The following RP1 variants were observed in gnomAD, a reference collection of about 807,000 sequenced individuals.
RP1 encodes the protein oxygen-regulated protein 1.
RP1 carries 16 observed loss-of-function variants against 14.8 expected under a neutral mutation model. The observed-to-expected ratio is 1.08, with a 90% CI of 0.73 to 1.65. The LOEUF (loss-of-function observed/expected upper bound fraction) is 1.65, where lower values mean the gene tolerates loss of function less well. RP1 is among the 40% of genes most tolerant of loss of function. The pLI, the probability that RP1 is intolerant of heterozygous loss-of-function variation, is 0.00. For synonymous variants in RP1, 876 were observed against 883.6 expected, an observed-to-expected ratio of 0.99 and a Z score of 0.15; for missense variants, 2,631 against 2,535.0, an observed-to-expected ratio of 1.04 and a Z score of -0.81.
At chr8:54,792,146 A>G (rs960538302) in intron 24 of RP1, among the ~76,000 whole-genome samples, 2 of 152,030 alleles carry the variant, frequency 1.3e-5, no homozygotes, top group African/African-American at 4.8e-5. Context: ...TCAATTTATC[A>G]AGAAGATAGA....
chr8:54,704,855 C>T (rs1406353965), intron 14 of RP1, among the ~76,000 whole-genome samples: 1 of 151,772 alleles, frequency 6.6e-6, no homozygotes, highest in Non-Finnish European at 1.5e-5. Flanking sequence ...TACACACACA[C>T]ACATATGTCT....
intron 12 of RP1, among the ~76,000 whole-genome samples, chr8:54,694,024 A>C (rs894835924): frequency 9.2e-5 from 14 of 152,174 alleles, no homozygotes; most frequent in Admixed American, 1.3e-4. Flanking sequence ...AGTTTTTAGC[A>C]TGAAGGGTTG....
chr8:54,639,487 C>CA (rs1390897066), intron 3 of RP1, among the ~76,000 whole-genome samples: 1 of 152,048 alleles, frequency 6.6e-6, no homozygotes, highest in African/African-American at 2.4e-5. Context: ...GAGAAATTGC[C>CA]AACTCCTTTC....
chr8:54,604,822 T>G (rs1454776466), intron 1 of RP1, among the ~76,000 whole-genome samples: 2 of 152,126 alleles, frequency 1.3e-5, no homozygotes, highest in Non-Finnish European at 2.9e-5. Flanking sequence ...TAGTTTATTT[T>G]CATATAGGTG....
chr8:54,723,079 G>T (rs375855138), intron 16 of RP1, among the ~76,000 whole-genome samples: 1 of 152,160 alleles, frequency 6.6e-6, no homozygotes, highest in African/African-American at 2.4e-5. Flanking sequence ...TCCTGGGTGC[G>T]GGGAGCTTTT....
At chr8:54,856,777 TCTC>T (rs1475186958) in intron 26 of RP1, among the ~76,000 whole-genome samples, 1 of 152,130 alleles carries the variant, frequency 6.6e-6, no homozygotes, top group African/African-American at 2.4e-5. Context: ...TTAAAATAAA[TCTC>T]CTAATTACGT....
rs745446688 is a variant in RP1, at chr8:54,628,776, A to T, written c.4894A>T (p.Ile1632Leu). Residue 1632 changes from isoleucine (I) to leucine (L), a missense_variant, in exon 4 of 4, where the codon ATA becomes TTA. Ile to Leu is a conservative substitution (Grantham distance 5). Transcript: ENST00000220676. Reference protein sequence around the residue: ...EYNIGFVKRAIEKLYGKADII... With the variant: ...EYNIGFVKRALEKLYGKADII... Reference sequence around the variant, plus strand: ...TAACATAGGATTTGTTAAAAGGGCAATAGAAAAACTGTACGGTAAAGCAGA... The same window carrying T: ...TAACATAGGATTTGTTAAAAGGGCATTAGAAAAACTGTACGGTAAAGCAGA... 3 of 1,614,156 alleles carry T rather than the reference A, an allele frequency of 1.9e-6. No homozygotes were observed. In the South Asian group the frequency reaches 3.3e-5, roughly 18 times the overall value.
intron 1 of RP1, among the ~76,000 whole-genome samples, chr8:54,603,429 T>G (rs1457182939): frequency 1.3e-5 from 2 of 152,198 alleles, no homozygotes; most frequent in Non-Finnish European, 2.9e-5. Context: ...CATGCTGTTT[T>G]GGTTACTGTA....
intron 24 of RP1, among the ~76,000 whole-genome samples, chr8:54,817,233 A>C (rs1323049572): frequency 6.6e-6 from 1 of 152,186 alleles, no homozygotes; most frequent in Admixed American, 6.6e-5. Flanking sequence ...TTAGATAATA[A>C]GCACTCAGTA....
At chr8:54,586,966 G>A (rs952527322) in intron 1 of RP1, among the ~76,000 whole-genome samples, 1 of 152,220 alleles carries the variant, frequency 6.6e-6, no homozygotes, top group African/African-American at 2.4e-5. Flanking sequence ...GCCTTGCCCT[G>A]CTTTGGCTCA....
chr8:54,773,880 CT>C (rs1256374369), downstream of RP1, among the ~76,000 whole-genome samples: 2 of 152,126 alleles, frequency 1.3e-5, no homozygotes, highest in African/African-American at 4.8e-5. Context: ...AATGCTAAAT[CT>C]TTGCAGTATG....
intron 1 of RP1, among the ~76,000 whole-genome samples, chr8:54,574,499 A>C (rs915760749): frequency 6.6e-6 from 1 of 152,110 alleles, no homozygotes; most frequent in Non-Finnish European, 1.5e-5. Context: ...AGAGGGAATA[A>C]TAAGAGAGAG....
intron 1 of RP1, among the ~76,000 whole-genome samples, chr8:54,559,563 G>T (rs1418933733): frequency 1.3e-5 from 2 of 152,152 alleles, no homozygotes; most frequent in East Asian, 3.8e-4. Context: ...TTCCTGTGAG[G>T]CATTTTTGCA....
chr8:54,607,652 T>C (rs1030921247), intron 1 of RP1, among the ~76,000 whole-genome samples: 2 of 152,194 alleles, frequency 1.3e-5, no homozygotes, highest in African/African-American at 4.8e-5. Flanking sequence ...GTGGAGTCTA[T>C]AGAGGCAGGC....
chr8:54,611,601 TC>T (rs577560958), upstream of RP1, among the ~76,000 whole-genome samples: 757 of 152,304 alleles, frequency 5.0e-3, 11 homozygotes, highest in African/African-American at 0.018. Flanking sequence ...CTCATTTTGT[TC>T]CTGTTTTTGT....
At chr8:54,576,270 C>T (rs1804659703) in intron 1 of RP1, among the ~76,000 whole-genome samples, 1 of 152,278 alleles carries the variant, frequency 6.6e-6, no homozygotes, top group East Asian at 1.9e-4. Context: ...GAGTCTCGAT[C>T]TCCTGACTTC....
At chr8:54,573,853 G>T (rs547931436) in intron 1 of RP1, among the ~76,000 whole-genome samples, 3 of 152,302 alleles carry the variant, frequency 2.0e-5, no homozygotes, top group African/African-American at 7.2e-5. Context: ...ACATAAAGGG[G>T]TTAATAGTCT....
chr8:54,681,474 T>C (rs1169763943), intron 12 of RP1, among the ~76,000 whole-genome samples: 4 of 146,354 alleles, frequency 2.7e-5, no homozygotes, highest in African/African-American at 1.0e-4. Context: ...CTATTTTTAT[T>C]TTTTGATTTG....
At chr8:54,766,866 G>A (rs1809773049) in intron 22 of RP1, among the ~76,000 whole-genome samples, 2 of 152,274 alleles carry the variant, frequency 1.3e-5, no homozygotes, top group Non-Finnish European at 2.9e-5. Flanking sequence ...GCAGAGAATG[G>A]ATTGTGTTCT....
Sources: allele counts gnomAD v4.1 joint callset (sites outside exome capture counted in the v4.1 genomes callset), GRCh38; gene constraint gnomAD v4.1.1; transcripts MANE v1.5; gene names NCBI Gene and HGNC (gene_info 2026-07-23, HGNC 2026-07-21).